MAP3K5: variants seen among roughly 807,000 people sequenced by gnomAD.
The protein encoded by MAP3K5 is mitogen-activated protein kinase kinase kinase 5, also known as ASK-1.
Under a neutral mutation model 158.7 loss-of-function variants are expected in MAP3K5, and 56 were observed. That is an observed-to-expected ratio of 0.35 (90% CI 0.28 to 0.44). The LOEUF is 0.44. MAP3K5 is among the 20% of genes least tolerant of loss of function. The pLI is 1.00. For synonymous variants in MAP3K5, 579 were observed against 601.7 expected (o/e 0.96, Z 0.55); for missense variants, 1,294 against 1,674.8 (o/e 0.77, Z 3.97).
In MAP3K5 at chr6:136,648,461, C is replaced by A. The variant is rs76261149; in HGVS notation, c.1788+2523G>T. Among the ~76,000 whole-genome samples, 1,152 of 152,170 alleles carry A rather than the reference C, an allele frequency of 7.6e-3. 16 individuals carry two copies. The highest frequency in any genetic ancestry group is 0.025 in the African/African-American group (1,057 of 41,490). On this transcript the variant is annotated intron_variant, in intron 11 of 29. Transcript: ENST00000359015. ...GACCACAGTTCTGAAAGATGCTGCT[C>A]GGTATTGCTCAGTGCTACTAGATGG...
chr6:136,648,164 G>A (rs1409985868), intron 11 of MAP3K5, among the ~76,000 whole-genome samples: 1 of 152,190 alleles, frequency 6.6e-6, no homozygotes, highest in African/African-American at 2.4e-5. Flanking sequence ...TGGCAAGGAA[G>A]TTTTCTGTTA....
At chr6:136,642,015 T>TAAAGA (rs61244217) in intron 12 of MAP3K5, among the ~76,000 whole-genome samples, 1 of 110,574 alleles carries the variant, frequency 9.0e-6, no homozygotes, top group African/African-American at 3.8e-5. Flanking sequence ...TAAAATAAAA[T>TAAAGA]AAATAAAATA....
chr6:136,721,753 C>T (rs763832439), intron 1 of MAP3K5, among the ~76,000 whole-genome samples: 13 of 152,172 alleles, frequency 8.5e-5, no homozygotes, highest in Non-Finnish European at 1.2e-4. Flanking sequence ...CACAGTGGCA[C>T]GCACCTGTAA....
chr6:136,640,401 T>C (rs1160439317), intron 12 of MAP3K5, among the ~76,000 whole-genome samples: 1 of 152,184 alleles, frequency 6.6e-6, no homozygotes, highest in Non-Finnish European at 1.5e-5. Context: ...GGGGCACAGT[T>C]TGTCAATCCT....
intron 1 of MAP3K5, among the ~76,000 whole-genome samples, chr6:136,751,029 G>A (rs1014061688): frequency 6.6e-6 from 1 of 151,996 alleles, no homozygotes; most frequent in Non-Finnish European, 1.5e-5. Context: ...TATAACCCCA[G>A]TGAGTTGTTT....
intron 3 of MAP3K5, among the ~76,000 whole-genome samples, chr6:136,704,469 T>A (rs1780985523): frequency 6.6e-6 from 1 of 152,218 alleles, no homozygotes; most frequent in African/African-American, 2.4e-5. Context: ...TATGTGTGTG[T>A]ATCTGTGTGT....
intron 3 of MAP3K5, among the ~76,000 whole-genome samples, chr6:136,703,842 T>C (rs1239522523): frequency 6.6e-6 from 1 of 152,214 alleles, no homozygotes; most frequent in Non-Finnish European, 1.5e-5. Flanking sequence ...AAATTAGCAA[T>C]TGTATTGTTA....
chr6:136,640,560 T>C (rs1583322274), intron 12 of MAP3K5, among the ~76,000 whole-genome samples: 1 of 152,190 alleles, frequency 6.6e-6, no homozygotes, highest in South Asian at 2.1e-4. Context: ...AAAGACTTCC[T>C]CTTACACCTG....
Position 136,792,133 on chromosome 6 carries a change from T to TGCCCTC in MAP3K5, c.19_24dup (p.Glu7_Gly8dup). 6.3e-7 allele frequency: 1 copy of TGCCCTC among 1,578,610 alleles called. No individual in the cohort carries two copies. The highest frequency in any genetic ancestry group is 8.6e-7 in the Non-Finnish European group (1 of 1,165,016). On this transcript the variant is annotated inframe_insertion, in exon 1 of 30. Transcript: ENST00000359015. This position sits in a 1 kb window ranked among gnomAD's most constrained non-coding sequence, Gnocchi z 5.7. ...GCGAAGGGTGGCACAGAGAAAGTGA[T>TGCCCTC]GCCCTCGTCCGCCTCCGTGCTCATC...
At chr6:136,765,249 T>C (rs1783913180) in intron 1 of MAP3K5, among the ~76,000 whole-genome samples, 1 of 152,226 alleles carries the variant, frequency 6.6e-6, no homozygotes, top group East Asian at 1.9e-4. Context: ...ATTCCTTACG[T>C]GCATGATCTC....
chr6:136,688,979 C>T (rs989883033), intron 7 of MAP3K5, among the ~76,000 whole-genome samples: 1 of 152,062 alleles, frequency 6.6e-6, no homozygotes, highest in Non-Finnish European at 1.5e-5. Context: ...CAATTACACT[C>T]CTCTTTTGTA....
chr6:136,599,358 C>T (rs760794303), intron 21 of MAP3K5, among the ~76,000 whole-genome samples: 49 of 152,176 alleles, frequency 3.2e-4, no homozygotes, highest in Non-Finnish European at 5.1e-4. Flanking sequence ...TAAGCAAGAA[C>T]GGCGAAAGGG....
In MAP3K5 at chr6:136,557,673, C is replaced by T; in HGVS notation, c.*85G>A. ...GGATTTAAAGTGCAGCGCCTTTCTC[C>T]TCTCCCTTCGATTTTCCCACCCCCA... On this transcript the variant is annotated 3_prime_UTR_variant, in exon 30 of 30. Coordinates refer to ENST00000359015, the MANE Select transcript of MAP3K5 (RefSeq NM_005923.4). The T allele has an allele frequency of 3.3e-6, 3 of 915,088 alleles. No individual in the cohort carries two copies. Among genetic ancestry groups the T allele is most frequent in the Non-Finnish European group, 5.4e-6 (3 of 555,558 alleles). The allele number at this position is 915,088 out of a possible 1,614,324, so 56.7% of individuals were successfully genotyped here. A position where few individuals can be genotyped will look rare whatever the true frequency, so the allele number is the denominator to read the frequency against.
At chr6:136,644,412 G>T (rs748675194) in intron 11 of MAP3K5, among the ~76,000 whole-genome samples, 1 of 152,206 alleles carries the variant, frequency 6.6e-6, no homozygotes, top group Non-Finnish European at 1.5e-5. Context: ...AAAACAGCAA[G>T]GCCAAACGCA....
Position 136,695,359 on chromosome 6 carries a change from G to A in MAP3K5, c.1082+592C>T, listed in dbSNP as rs553000276. ...TCACCGTGTTGCCCAGGCTGCTCTCGAACTCCTGAGCTCAGGCAATCCGAC... is the reference window on the plus strand; with the variant it reads ...TCACCGTGTTGCCCAGGCTGCTCTCAAACTCCTGAGCTCAGGCAATCCGAC... On this transcript the variant is annotated intron_variant, in intron 6 of 29. Coordinates refer to ENST00000359015, the MANE Select transcript of MAP3K5 (RefSeq NM_005923.4). 5.3e-5 allele frequency among the ~76,000 whole-genome samples: 8 copies of A among 152,190 alleles called. No individual in the cohort carries two copies. In the South Asian group the frequency reaches 1.7e-3, roughly 32 times the overall value.
chr6:136,577,582 C>A (rs1230083400), intron 25 of MAP3K5, among the ~76,000 whole-genome samples: 6 of 152,200 alleles, frequency 3.9e-5, no homozygotes, highest in African/African-American at 1.4e-4. Context: ...ACAGCAGTGT[C>A]CATCCCTGGG....
At chr6:136,561,482 C>T (rs763890120) in intron 28 of MAP3K5, 51 bp downstream of exon 28, 9 of 1,367,828 alleles carry the variant, frequency 6.6e-6, no homozygotes, top group Admixed American at 5.1e-5. Flanking sequence ...AGGCACCCAA[C>T]ATTATGAAAC....
In MAP3K5 at chr6:136,576,059, C is replaced by T. The variant is rs146605009; in HGVS notation, c.3517+4242G>A. ...TCCTCATTCATTTTTATTTATCAGT[C>T]GCAATTCTACTATAACAAAAAGGTG... On this transcript the variant is annotated intron_variant, in intron 25 of 29. Coordinates refer to ENST00000359015, the MANE Select transcript of MAP3K5 (RefSeq NM_005923.4). Among the ~76,000 whole-genome samples the T allele has an allele frequency of 3.3e-3, 505 of 152,140 alleles. 1 individual carries two copies. Among genetic ancestry groups the T allele is most frequent in the African/African-American group, 0.012 (488 of 41,496 alleles).
chr6:136,657,710 G>A (rs1778811618), intron 9 of MAP3K5, among the ~76,000 whole-genome samples: 1 of 152,250 alleles, frequency 6.6e-6, no homozygotes, highest in Non-Finnish European at 1.5e-5. Context: ...GGACTTGGGT[G>A]TGAGGAAGGG....
Sources: gnomAD v4.1 joint callset for allele counts (sites outside exome capture counted in the v4.1 genomes callset) on GRCh38, gnomAD v4.1.1 for gene constraint, Gnocchi (gnomAD v3.1) non-coding constraint, MANE v1.5 for transcripts, NCBI Gene and HGNC (gene_info 2026-07-23, HGNC 2026-07-21) for gene names.